The following ENTPD1 variants were observed in gnomAD, a reference collection of about 807,000 sequenced individuals.
The protein encoded by ENTPD1 is ectonucleoside triphosphate diphosphohydrolase 1.
In ENTPD1, 33 loss-of-function variants were observed where a neutral mutation model predicts 57.0. The ratio of observed to expected loss-of-function variants is 0.58; its 90% CI spans 0.44 to 0.77. The LOEUF (loss-of-function observed/expected upper bound fraction) is 0.77, where lower values mean the gene tolerates loss of function less well. Ranked by LOEUF, ENTPD1 falls within the 30% of genes least tolerant of loss-of-function variation. The pLI is 0.00. For missense variants in ENTPD1, 501 were observed against 603.4 expected, an observed-to-expected ratio of 0.83 and a Z score of 1.78; for synonymous variants, 202 against 218.8, an observed-to-expected ratio of 0.92 and a Z score of 0.68.
intron 2 of ENTPD1, among the ~76,000 whole-genome samples, chr10:95,824,087 A>G (rs2098364562): frequency 6.6e-6 from 1 of 152,346 alleles, no homozygotes; most frequent in Admixed American, 6.5e-5. Flanking sequence ...GTACTTTGTA[A>G]TATGGTCATT....
chr10:95,694,278 C>A, the ENTPD1 span: 1 of 270,718 alleles, frequency 3.7e-6, no homozygotes. Flanking sequence ...CCCCAGAGGC[C>A]GGAACTAGAA....
At chr10:95,803,304 G>A (rs11188492) in intron 1 of ENTPD1, among the ~76,000 whole-genome samples, 2,453 of 152,260 alleles carry the variant, frequency 0.016, 28 homozygotes, top group Non-Finnish European at 0.027. Context: ...CAATGGTTGA[G>A]CTAGTTTACA....
At chr10:95,790,749 T>C (rs1176921755) in intron 1 of ENTPD1, among the ~76,000 whole-genome samples, 2 of 152,170 alleles carry the variant, frequency 1.3e-5, no homozygotes, top group Non-Finnish European at 2.9e-5. Flanking sequence ...TTTCATGATA[T>C]GCCCAAAGAT....
intron 1 of ENTPD1, among the ~76,000 whole-genome samples, chr10:95,786,101 C>T (rs1589822254): frequency 6.6e-6 from 1 of 152,268 alleles, no homozygotes; most frequent in Non-Finnish European, 1.5e-5. Flanking sequence ...CTTCTACCTC[C>T]TGACCCCTTA....
intron 1 of ENTPD1, among the ~76,000 whole-genome samples, chr10:95,772,167 G>C (rs1003564737): frequency 2.1e-4 from 32 of 152,192 alleles, no homozygotes; most frequent in African/African-American, 7.5e-4. Context: ...GGAGAGTCTT[G>C]CCTTGATGTT....
chr10:95,758,106 C>A (rs1047659256), intron 1 of ENTPD1, among the ~76,000 whole-genome samples: 1 of 150,926 alleles, frequency 6.6e-6, no homozygotes, highest in Non-Finnish European at 1.5e-5. Context: ...CATCTCTGAA[C>A]GTCTGTCCCC....
chr10:95,783,710 T>TA (rs199944809), intron 1 of ENTPD1, among the ~76,000 whole-genome samples: 2,878 of 135,318 alleles, frequency 0.021, 30 homozygotes, highest in Middle Eastern at 0.063. Context: ...CAGGTAGGCA[T>TA]AAAAAAAAAA....
intron 4 of ENTPD1, chr10:95,843,057 G>T (rs2098425801): frequency 2.6e-5 from 4 of 152,220 alleles, no homozygotes; most frequent in Admixed American, 2.6e-4. Context: ...AGCACATTTG[G>T]CCCTGCCCAG....
At chr10:95,822,439 G>GGT (rs2098356790) in intron 1 of ENTPD1, among the ~76,000 whole-genome samples, 1 of 152,072 alleles carries the variant, frequency 6.6e-6, no homozygotes, top group Non-Finnish European at 1.5e-5. Flanking sequence ...TGGGATTACA[G>GGT]GTGCCCACCA....
chr10:95,739,572 T>C (rs1199007599), intron 1 of ENTPD1, among the ~76,000 whole-genome samples: 1 of 152,224 alleles, frequency 6.6e-6, no homozygotes, highest in African/African-American at 2.4e-5. Flanking sequence ...ATATTTAGAC[T>C]CCACTTCTAA....
intron 1 of ENTPD1, among the ~76,000 whole-genome samples, chr10:95,761,247 G>C (rs1292450071): frequency 6.6e-6 from 1 of 152,186 alleles, no homozygotes; most frequent in Non-Finnish European, 1.5e-5. Context: ...GGAGTCACTT[G>C]TTTGTCTTGG....
chr10:95,732,460 A>G (rs532147257), intron 1 of ENTPD1, among the ~76,000 whole-genome samples: 1 of 152,340 alleles, frequency 6.6e-6, no homozygotes, highest in African/African-American at 2.4e-5. Flanking sequence ...ACTCAGTTGT[A>G]GCAAAAATAA....
chr10:95,773,651 G>A (rs1003455109), intron 1 of ENTPD1, among the ~76,000 whole-genome samples: 3 of 152,112 alleles, frequency 2.0e-5, no homozygotes, highest in African/African-American at 7.2e-5. Flanking sequence ...CCTGTCCTTT[G>A]AAGCTTTGAA....
chr10:95,697,557 G>A, the ENTPD1 span, among the ~76,000 whole-genome samples: 3 of 152,152 alleles, frequency 2.0e-5, 1 homozygote, highest in African/African-American at 4.8e-5. Context: ...ATCCATTCAC[G>A]GGTTAATGGA....
chr10:95,784,367 T>C (rs1566143990), intron 1 of ENTPD1, among the ~76,000 whole-genome samples: 1 of 152,270 alleles, frequency 6.6e-6, no homozygotes, highest in Middle Eastern at 3.4e-3. Context: ...GCTGCCAGCA[T>C]TTTCAGCACT....
intron 1 of ENTPD1, among the ~76,000 whole-genome samples, chr10:95,810,065 G>T (rs1440959955): frequency 6.8e-6 from 1 of 147,880 alleles, no homozygotes; most frequent in Admixed American, 6.7e-5. Flanking sequence ...CCCAGACAGG[G>T]TCGCGGTCGG....
chr10:95,780,513 G>C (rs1252903706), intron 1 of ENTPD1, among the ~76,000 whole-genome samples: 1 of 152,154 alleles, frequency 6.6e-6, no homozygotes, highest in Non-Finnish European at 1.5e-5. Flanking sequence ...TTTATAAACT[G>C]TTTTGCTTTA....
rs1237249079 is a variant in ENTPD1 at position 95,866,424 on chromosome 10, A to C, written c.*41A>C. On this transcript the variant is annotated 3_prime_UTR_variant, in exon 10 of 10. Transcript: ENST00000371205. Reference sequence around the variant, plus strand: ...TATGCTGGCTGGAGTGAGGAAAAAAATCGTCCAGGGAGCATTTTCCTCCAT... The same window carrying C: ...TATGCTGGCTGGAGTGAGGAAAAAACTCGTCCAGGGAGCATTTTCCTCCAT... 3.1e-6 allele frequency: 5 copies of C among 1,612,012 alleles called. No individual in the cohort carries two copies. The highest frequency in any genetic ancestry group is 4.2e-6 in the Non-Finnish European group (5 of 1,179,110).
intron 1 of ENTPD1, among the ~76,000 whole-genome samples, chr10:95,733,991 G>T (rs902059853): frequency 3.9e-5 from 6 of 152,160 alleles, no homozygotes; most frequent in African/African-American, 1.4e-4. Context: ...ACTCTTGCCT[G>T]TTCTGTGGTC....
Sources: gnomAD v4.1 joint callset for allele counts (sites outside exome capture counted in the v4.1 genomes callset) on GRCh38, gnomAD v4.1.1 for gene constraint, MANE v1.5 for transcripts, NCBI Gene and HGNC (gene_info 2026-07-23, HGNC 2026-07-21) for gene names.